Variants in SNAPC3 observed in about 807,000 individuals in gnomAD.
SNAPC3 encodes small nuclear RNA activating complex polypeptide 3.
A neutral mutation model predicts 47.7 loss-of-function variants in SNAPC3; 56 were observed. The ratio of observed to expected loss-of-function variants is 1.18; its 90% CI spans 0.95 to 1.47. SNAPC3 has a LOEUF of 1.47. SNAPC3 is among the 40% of genes most tolerant of loss of function. The probability of loss-of-function intolerance (pLI) is 0.00; values close to 1 mark genes in which losing one functional copy is unlikely to be tolerated. For synonymous variants in SNAPC3, 235 were observed against 189.9 expected, an observed-to-expected ratio of 1.24 and a Z score of -1.95; for missense variants, 665 against 511.3, an observed-to-expected ratio of 1.30 and a Z score of -2.90.
chr9:15,457,955 A>G lies in SNAPC3; in HGVS notation c.981-5A>G. 1 of 1,551,210 alleles carries G rather than the reference A, an allele frequency of 6.4e-7. No homozygotes were observed. Among genetic ancestry groups the G allele is most frequent in the Non-Finnish European group, 8.7e-7 (1 of 1,144,566 alleles). On this transcript the variant is annotated splice_region_variant and splice_polypyrimidine_tract_variant and intron_variant, in intron 7 of 8. Transcript: ENST00000380821. ...TTAATATCTTTATTTTCCCACGAAC[A>G]AAAGGCTTGTGCATCATGATGACTG...
At chr9:15,433,857 T>C (rs2032474157) in intron 3 of SNAPC3, 1 of 370,840 alleles carries the variant, frequency 2.7e-6, no homozygotes. Flanking sequence ...TTTATTCTTG[T>C]TTGGTTTTAT....
intron 2 of SNAPC3, among the ~76,000 whole-genome samples, chr9:15,427,660 A>G (rs553608550): frequency 2.2e-4 from 33 of 152,332 alleles, no homozygotes; most frequent in Non-Finnish European, 4.6e-4. Flanking sequence ...CAGCAACATT[A>G]CTTTTAATAC....
chr9:15,460,369 AT>A lies in SNAPC3; in HGVS notation c.*504del, dbSNP rs2035114029. 1.3e-5 allele frequency: 2 copies of A among 152,368 alleles called. No homozygotes were observed. Among genetic ancestry groups the A allele is most frequent in the Non-Finnish European group, 2.9e-5 (2 of 68,040 alleles). The allele number at this position is 152,368 out of a possible 1,614,324, so 9.4% of individuals were successfully genotyped here. On this transcript the variant is annotated 3_prime_UTR_variant, in exon 9 of 9. Transcript: ENST00000380821. ...ACTAGGGAGAATGAATTATTTACAA[AT>A]AAGACAAAATTAATAGCTTTGGGAT... is the stretch of plus-strand genomic sequence containing the variant.
At chr9:15,428,879 ATAT>A (rs1178851386) in intron 2 of SNAPC3, among the ~76,000 whole-genome samples, 3 of 152,198 alleles carry the variant, frequency 2.0e-5, no homozygotes, top group Non-Finnish European at 4.4e-5. Flanking sequence ...CAAAGACATA[ATAT>A]TCATATTATC....
chr9:15,426,782 T>G (rs551362321), intron 2 of SNAPC3, among the ~76,000 whole-genome samples: 4 of 152,346 alleles, frequency 2.6e-5, no homozygotes, highest in African/African-American at 9.6e-5. Context: ...TTTCTTCTAG[T>G]CCCTCCAAAC....
At chr9:15,464,170 A>T (rs1487868793), downstream of SNAPC3, 7 of 187,426 alleles carry the variant, frequency 3.7e-5, no homozygotes, top group African/African-American at 1.6e-4. Flanking sequence ...CAAACAGATA[A>T]TGACTGGTAT....
chr9:15,461,721 G>GT (rs1014726082), downstream of SNAPC3: 9 of 152,182 alleles, frequency 5.9e-5, no homozygotes, highest in South Asian at 1.2e-3. Context: ...AAGCCTATGT[G>GT]TTTGACAGTG....
chr9:15,459,735 GAC>G lies in SNAPC3; in HGVS notation c.1107_1108del (p.Asp369GlufsTer12). 6 of 1,613,086 alleles carry G rather than the reference GAC, an allele frequency of 3.7e-6. No homozygotes were observed. Among genetic ancestry groups the G allele is most frequent in the East Asian group, 4.5e-5 (2 of 44,866 alleles). On this transcript the variant is annotated frameshift_variant, in exon 9 of 9. Coordinates refer to ENST00000380821, the MANE Select transcript of SNAPC3 (RefSeq NM_001039697.2). LOFTEE classifies it high-confidence loss of function. The part of the protein sequence containing the change: ...MYTARWVTNN[D>X]SFAPEDPCFF... Reference sequence around the variant, plus strand: ...AAACTACAGATGGGTGACGAACAATGACAGTTTTGCACCAGAGGACCCATGCT... The same window carrying G: ...AAACTACAGATGGGTGACGAACAATGAGTTTTGCACCAGAGGACCCATGCT...
At chr9:15,450,036 A>T (rs2034275452) in intron 5 of SNAPC3, among the ~76,000 whole-genome samples, 1 of 152,160 alleles carries the variant, frequency 6.6e-6, no homozygotes, top group South Asian at 2.1e-4. Flanking sequence ...TGTTTCCAAA[A>T]TAATAGTTAT....
chr9:15,455,771 T>C (rs1418967751), intron 7 of SNAPC3, among the ~76,000 whole-genome samples: 1 of 152,002 alleles, frequency 6.6e-6, no homozygotes, highest in Non-Finnish European at 1.5e-5. Flanking sequence ...TGATCTCAGC[T>C]CACCGCAACC....
Position 15,447,224 on chromosome 9 carries a change from G to GC in SNAPC3, c.716dup (p.Glu240Ter). 1 of 1,614,106 alleles carries GC rather than the reference G, an allele frequency of 6.2e-7. No homozygotes were observed. Among genetic ancestry groups the GC allele is most frequent in the Non-Finnish European group, 8.5e-7 (1 of 1,179,978 alleles). ...TGAATTCAGCAACACTCCTGACCAAGCCCCTGAGCACATCAGCAAAGTAAG... is the reference window on the plus strand; with the variant it reads ...TGAATTCAGCAACACTCCTGACCAAGCCCCCTGAGCACATCAGCAAAGTAAG... On this transcript the variant is annotated frameshift_variant, in exon 5 of 9. Coordinates refer to ENST00000380821, the MANE Select transcript of SNAPC3 (RefSeq NM_001039697.2). LOFTEE classifies it high-confidence loss of function.
chr9:15,442,923 C>T (rs2033611237), intron 3 of SNAPC3, among the ~76,000 whole-genome samples: 1 of 152,206 alleles, frequency 6.6e-6, no homozygotes, highest in Non-Finnish European at 1.5e-5. Context: ...AATCCCGGCA[C>T]CTCGGGAGGC....
At chr9:15,456,091 C>T (rs1255075059) in intron 7 of SNAPC3, among the ~76,000 whole-genome samples, 1 of 151,988 alleles carries the variant, frequency 6.6e-6, no homozygotes, top group Admixed American at 6.6e-5. Context: ...TCAGGCTGGT[C>T]TCGAACTCCC....
intron 2 of SNAPC3, among the ~76,000 whole-genome samples, chr9:15,425,438 C>T (rs1403703908): frequency 6.6e-6 from 1 of 152,062 alleles, no homozygotes; most frequent in African/African-American, 2.4e-5. Context: ...AGGCTGGTTT[C>T]AACTCCTGAC....
Position 15,453,217 on chromosome 9 carries a change from C to T in SNAPC3, c.980+12C>T, listed in dbSNP as rs200063794. On this transcript the variant is annotated intron_variant, in intron 7 of 8. Coordinates refer to ENST00000380821, the MANE Select transcript of SNAPC3 (RefSeq NM_001039697.2). ...ATTACTGACATAAGGTAGGTGACAG[C>T]ACTTAAGACATTTTGTTACCTTTTT... 6.4e-7 allele frequency: 1 copy of T among 1,567,854 alleles called. No individual in the cohort carries two copies. The highest frequency in any genetic ancestry group is 8.6e-7 in the Non-Finnish European group (1 of 1,156,326).
At chr9:15,435,189 G>C (rs961957419) in intron 3 of SNAPC3, among the ~76,000 whole-genome samples, 4 of 151,912 alleles carry the variant, frequency 2.6e-5, no homozygotes, top group Non-Finnish European at 4.4e-5. Context: ...CTTTTTATTT[G>C]GTTTTTGGCC....
At chr9:15,428,188 CAT>C (rs2031694991) in intron 2 of SNAPC3, among the ~76,000 whole-genome samples, 1 of 150,262 alleles carries the variant, frequency 6.7e-6, no homozygotes, top group Non-Finnish European at 1.5e-5. Context: ...AAAAGAGCAC[CAT>C]CAAACTGGGA....
At chr9:15,423,374 A>C (rs1476706305) in intron 1 of SNAPC3, among the ~76,000 whole-genome samples, 181 bp downstream of exon 1, 1 of 152,204 alleles carries the variant, frequency 6.6e-6, no homozygotes. Flanking sequence ...AAGTCCTGGG[A>C]CCCGAATGCA....
At chr9:15,435,320 C>G (rs904679144) in intron 3 of SNAPC3, among the ~76,000 whole-genome samples, 3 of 152,172 alleles carry the variant, frequency 2.0e-5, no homozygotes, top group African/African-American at 4.8e-5. Context: ...CGCTTGTAAT[C>G]CCAGCACTTT....
Sources: gnomAD v4.1 joint callset for allele counts (sites outside exome capture counted in the v4.1 genomes callset) on GRCh38, gnomAD v4.1.1 for gene constraint, MANE v1.5 for transcripts, NCBI Gene and HGNC (gene_info 2026-07-23, HGNC 2026-07-21) for gene names.